SNTB1: variants seen among roughly 807,000 people sequenced by gnomAD.
SNTB1 encodes the protein syntrophin beta 1, also known as beta-1-syntrophin.
In SNTB1, 36 loss-of-function variants were observed where a neutral mutation model predicts 48.9. The observed-to-expected ratio is 0.74, with a 90% CI of 0.56 to 0.97. SNTB1 has a LOEUF of 0.97. SNTB1 is among the 50% of genes least tolerant of loss of function. The pLI, the probability that SNTB1 is intolerant of heterozygous loss-of-function variation, is 0.00. For missense variants in SNTB1, 786 were observed against 703.4 expected (o/e 1.12, Z -1.33); for synonymous variants, 299 against 294.6 (o/e 1.01, Z -0.15).
At chr8:120,773,672 C>T (rs1481324983) in intron 1 of SNTB1, among the ~76,000 whole-genome samples, 1 of 152,070 alleles carries the variant, frequency 6.6e-6, no homozygotes. Context: ...AAAAGATTAC[C>T]GCCCAAACCC....
Position 120,605,496 on chromosome 8 carries a change from C to G in SNTB1, c.996+26948G>C, listed in dbSNP as rs182186494. 2.5e-3 allele frequency among the ~76,000 whole-genome samples: 375 copies of G among 152,270 alleles called. 1 individual carries two copies. The highest frequency in any genetic ancestry group is 8.8e-3 in the African/African-American group (366 of 41,558). On this transcript the variant is annotated intron_variant, in intron 3 of 6. Coordinates refer to ENST00000517992, the MANE Select transcript of SNTB1 (RefSeq NM_021021.4). ...TGTATGTTCACAAGCCCAGCCATGACACGTATCTTTGGTTAGTGTTTCTTA... is the reference window on the plus strand; with the variant it reads ...TGTATGTTCACAAGCCCAGCCATGAGACGTATCTTTGGTTAGTGTTTCTTA...
intron 3 of SNTB1, among the ~76,000 whole-genome samples, chr8:120,607,576 G>A (rs572554736): frequency 3.9e-5 from 6 of 152,218 alleles, no homozygotes; most frequent in African/African-American, 1.4e-4. Flanking sequence ...TTCCAGCAAT[G>A]AAAGACTTGT....
chr8:120,539,021 T>C, intron 6 of SNTB1, 52 bp from the exon 7 acceptor site: 1 of 1,398,262 alleles, frequency 7.2e-7, no homozygotes, highest in Non-Finnish European at 9.9e-7. Context: ...ATGCTTGATG[T>C]AGATGGGTGA....
At chr8:120,734,192 C>A (rs1818900170) in intron 1 of SNTB1, among the ~76,000 whole-genome samples, 1 of 152,086 alleles carries the variant, frequency 6.6e-6, no homozygotes, top group Non-Finnish European at 1.5e-5. Flanking sequence ...GCCTGTAATC[C>A]CAGCACTTTG....
In SNTB1 at chr8:120,571,941, T is replaced by C. The variant is rs1444946560; in HGVS notation, c.1136+3145A>G. Among the ~76,000 whole-genome samples, 2 of 152,128 alleles carry C rather than the reference T, an allele frequency of 1.3e-5. 1 individual carries two copies. Among genetic ancestry groups the C allele is most frequent in the Non-Finnish European group, 2.9e-5 (2 of 68,006 alleles). Reference sequence around the variant, plus strand: ...TGATCTAGGCCTGGTTCCTCACCCCTGAAAACCTCCTCTATTCACCTCTGG... The same window carrying C: ...TGATCTAGGCCTGGTTCCTCACCCCCGAAAACCTCCTCTATTCACCTCTGG... On this transcript the variant is annotated intron_variant, in intron 4 of 6. Transcript: ENST00000517992.
chr8:120,698,784 C>A (rs976359269), intron 1 of SNTB1, among the ~76,000 whole-genome samples: 6 of 152,104 alleles, frequency 3.9e-5, no homozygotes, highest in African/African-American at 1.2e-4. Context: ...AGCAGGGTAG[C>A]CATGCTTGGG....
chr8:120,789,484 C>T (rs912027059), intron 1 of SNTB1, among the ~76,000 whole-genome samples: 1 of 151,760 alleles, frequency 6.6e-6, no homozygotes, highest in African/African-American at 2.4e-5. Context: ...ATTGAAAAGC[C>T]ACTTGCTAGA....
intron 4 of SNTB1, among the ~76,000 whole-genome samples, chr8:120,562,888 G>C (rs530307799): frequency 7.0e-6 from 1 of 143,006 alleles, no homozygotes; most frequent in Non-Finnish European, 1.5e-5. Flanking sequence ...AAAAGAAAAA[G>C]AAAAAGAAAA....
At chr8:120,575,043 T>A in intron 4 of SNTB1, 43 bp downstream of exon 4, 1 of 1,613,276 alleles carries the variant, frequency 6.2e-7, no homozygotes, top group South Asian at 1.1e-5. Context: ...TTAAATAGAA[T>A]CCACCTGCAA....
At chr8:120,637,885 GA>G (rs1817109653) in intron 2 of SNTB1, 1 of 230,386 alleles carries the variant, frequency 4.3e-6, no homozygotes, top group Non-Finnish European at 9.4e-6. Context: ...TTTTGATGCC[GA>G]GTTAAAATCC....
intron 3 of SNTB1, among the ~76,000 whole-genome samples, chr8:120,592,092 A>G (rs1206294702): frequency 2.0e-5 from 3 of 152,196 alleles, no homozygotes; most frequent in Non-Finnish European, 4.4e-5. Context: ...AATAAATTTC[A>G]TTTTATTAAA....
At chr8:120,649,213 A>G (rs1013936483) in intron 2 of SNTB1, among the ~76,000 whole-genome samples, 12 of 151,650 alleles carry the variant, frequency 7.9e-5, no homozygotes, top group African/African-American at 2.7e-4. Flanking sequence ...CTGGTGAGGA[A>G]CTGCGTTCCC....
intron 1 of SNTB1, among the ~76,000 whole-genome samples, chr8:120,789,996 T>C (rs1033724839): frequency 2.0e-5 from 3 of 151,796 alleles, no homozygotes; most frequent in African/African-American, 7.3e-5. Context: ...TCTACAAAAT[T>C]CTAGCCAACC....
Position 120,600,886 on chromosome 8 carries a change from G to A in SNTB1, c.997-25661C>T, listed in dbSNP as rs2130718632. ...TGGGAAATATGAGTGAGGAGATGGG[G>A]CACAATGAGAGTCCAGCCCAGCCTT... On this transcript the variant is annotated intron_variant, in intron 3 of 6. Transcript: ENST00000517992. Among the ~76,000 whole-genome samples, 2 of 152,030 alleles carry A rather than the reference G, an allele frequency of 1.3e-5. 1 individual carries two copies. The highest frequency in any genetic ancestry group is 4.2e-4 in the South Asian group (2 of 4,800).
chr8:120,780,934 A>G (rs949012563), intron 1 of SNTB1, among the ~76,000 whole-genome samples: 1 of 152,242 alleles, frequency 6.6e-6, no homozygotes, highest in Non-Finnish European at 1.5e-5. Context: ...AGAAAAATAT[A>G]AGAGTAAACT....
intron 4 of SNTB1, among the ~76,000 whole-genome samples, chr8:120,563,740 G>T (rs1291450835): frequency 1.3e-5 from 2 of 152,176 alleles, no homozygotes; most frequent in Non-Finnish European, 2.9e-5. Context: ...CTCTTGTGCT[G>T]AACGAAGCTC....
chr8:120,607,550 G>A (rs1816545331), intron 3 of SNTB1, among the ~76,000 whole-genome samples: 1 of 152,022 alleles, frequency 6.6e-6, no homozygotes, highest in Non-Finnish European at 1.5e-5. Flanking sequence ...ATGTTAAATG[G>A]CCATTTAACT....
intron 2 of SNTB1, chr8:120,635,884 C>T (rs1587050414): frequency 2.6e-6 from 1 of 383,658 alleles, no homozygotes. Context: ...GCATCCTTTG[C>T]TGCTTCAGGC....
chr8:120,606,899 T>C (rs1480469299), intron 3 of SNTB1, among the ~76,000 whole-genome samples: 1 of 152,144 alleles, frequency 6.6e-6, no homozygotes, highest in African/African-American at 2.4e-5. Context: ...ATACTCTTTA[T>C]CCCCACAATT....
Sources: allele counts gnomAD v4.1 joint callset (sites outside exome capture counted in the v4.1 genomes callset), GRCh38; gene constraint gnomAD v4.1.1; transcripts MANE v1.5; gene names NCBI Gene and HGNC (gene_info 2026-07-23, HGNC 2026-07-21).